The following DOP1A variants were observed in gnomAD, a reference collection of about 807,000 sequenced individuals.
The protein encoded by DOP1A is DOP1 leucine zipper like protein A, also known as protein DOP1A.
Under a neutral mutation model 267.6 loss-of-function variants are expected in DOP1A, and 90 were observed. The ratio of observed to expected loss-of-function variants is 0.34; its 90% CI spans 0.28 to 0.40. The LOEUF (loss-of-function observed/expected upper bound fraction) is 0.40. Ranked by LOEUF, DOP1A falls within the 10% of genes least tolerant of loss-of-function variation. The pLI is 1.00. For synonymous variants in DOP1A, 932 were observed against 999.1 expected, an observed-to-expected ratio of 0.93 and a Z score of 1.27; for missense variants, 2,437 against 2,900.4, an observed-to-expected ratio of 0.84 and a Z score of 3.67.
chr6:83,152,173 A>G, intron 29 of DOP1A, 115 bp from the exon 30 acceptor site: 1 of 754,646 alleles, frequency 1.3e-6, no homozygotes, highest in Non-Finnish European at 2.0e-6. Flanking sequence ...AAAAATATAT[A>G]TATACATATA....
At chr6:83,152,180 T>A in intron 29 of DOP1A, 108 bp from the exon 30 acceptor site, 2 of 748,344 alleles carry the variant, frequency 2.7e-6, no homozygotes. Flanking sequence ...TATATATACA[T>A]ATACATATAT....
chr6:83,157,158 GA>G (rs1314104603), intron 34 of DOP1A, 23 bp from the exon 35 acceptor site: 4 of 1,603,658 alleles, frequency 2.5e-6, no homozygotes, highest in Admixed American at 1.8e-5. Flanking sequence ...TTTAGTTATT[GA>G]AAATGCTCTG....
intron 4 of DOP1A, among the ~76,000 whole-genome samples, chr6:83,106,607 C>G (rs1773647862): frequency 6.6e-6 from 1 of 151,982 alleles, no homozygotes; most frequent in South Asian, 2.1e-4. Flanking sequence ...GTCAGGAGTT[C>G]AAGACCAGAC....
chr6:83,145,030 G>C (rs558838587), intron 24 of DOP1A, among the ~76,000 whole-genome samples: 1 of 143,682 alleles, frequency 7.0e-6, no homozygotes, highest in South Asian at 2.2e-4. Context: ...TTAAACCTAT[G>C]AGGTTGAGGC....
At chr6:83,077,678 A>C (rs1767337897) in intron 1 of DOP1A, among the ~76,000 whole-genome samples, 1 of 152,206 alleles carries the variant, frequency 6.6e-6, no homozygotes, top group Admixed American at 6.5e-5. Flanking sequence ...CTTGTCTCAA[A>C]AAAATAAAAA....
chr6:83,146,631 G>A (rs1780692175), intron 25 of DOP1A, among the ~76,000 whole-genome samples: 2 of 152,160 alleles, frequency 1.3e-5, no homozygotes, highest in African/African-American at 4.8e-5. Context: ...TTTTTGGACA[G>A]GAAACCTTCA....
Position 83,083,420 on chromosome 6 carries a change from TAAAA to T in DOP1A, c.-146-13298_-146-13295del, listed in dbSNP as rs560759261. Among the ~76,000 whole-genome samples, 58 of 139,460 alleles carry T rather than the reference TAAAA, an allele frequency of 4.2e-4. No individual in the cohort carries two copies. The East Asian group carries it at 0.011, about 26-fold the overall frequency. The allele number at this position is 139,460 out of a possible 152,430, so 91.5% of individuals were successfully genotyped here. On this transcript the variant is annotated intron_variant, in intron 1 of 38. Transcript: ENST00000349129. ...TGCAGGAGAATTAAGACTTGTGGTT[TAAAA>T]AAAAAAAAAAAAGTTCAGAAAGATA...
intron 19 of DOP1A, 27 bp downstream of exon 19, chr6:83,134,314 C>T (rs2128251393): frequency 1.3e-6 from 2 of 1,584,536 alleles, no homozygotes; most frequent in South Asian, 1.1e-5. Context: ...ATTAAGATTT[C>T]ACAGTCATAT....
intron 1 of DOP1A, among the ~76,000 whole-genome samples, chr6:83,087,726 C>G (rs780387944): frequency 6.6e-6 from 1 of 152,152 alleles, no homozygotes; most frequent in Non-Finnish European, 1.5e-5. Flanking sequence ...TTAAAATACA[C>G]GAAGCACTTG....
chr6:83,169,693 T>C (rs1048264721), downstream of DOP1A: 5 of 460,844 alleles, frequency 1.1e-5, no homozygotes, highest in African/African-American at 7.9e-5. Context: ...GACTCTGAGA[T>C]GGCTTAAGCT....
intron 6 of DOP1A, among the ~76,000 whole-genome samples, chr6:83,110,956 C>T (rs956469395): frequency 1.1e-4 from 16 of 152,256 alleles, no homozygotes; most frequent in Admixed American, 5.9e-4. Flanking sequence ...ACCACTATTG[C>T]AATCAAGACA....
At chr6:83,110,016 A>G (rs1345235294) in intron 5 of DOP1A, 109 bp from the exon 6 acceptor site, 3 of 1,153,556 alleles carry the variant, frequency 2.6e-6, no homozygotes, top group Non-Finnish European at 2.4e-6. Context: ...AGGGTGGAAC[A>G]TATGACTGTA....
intron 18 of DOP1A, 37 bp downstream of exon 18, chr6:83,132,365 C>A: frequency 7.1e-7 from 1 of 1,405,390 alleles, no homozygotes; most frequent in Non-Finnish European, 9.7e-7. Flanking sequence ...GCCCCCTCCG[C>A]CACACACACA....
intron 21 of DOP1A, 137 bp downstream of exon 21, chr6:83,139,299 C>CA (rs1228655551): frequency 1.3e-5 from 8 of 614,272 alleles, no homozygotes; most frequent in African/African-American, 9.2e-5. Flanking sequence ...TTACTTTCCA[C>CA]AAAAAAGAAA....
In DOP1A at chr6:83,137,976, AAAT is replaced by A; in HGVS notation, c.3935_3937del (p.Lys1312_Ser1313delinsThr). ...CAGAAAAAAGGATGATGACAAGAAA[AAAT>A]CTTCAAATGAAAAACTCAAACAAAC... On this transcript the variant is annotated inframe_deletion, in exon 21 of 39. Transcript: ENST00000349129. 6.2e-7 allele frequency: 1 copy of A among 1,605,706 alleles called. No individual in the cohort carries two copies. Among genetic ancestry groups the A allele is most frequent in the Non-Finnish European group, 8.5e-7 (1 of 1,177,570 alleles).
rs1783356725 is a variant in DOP1A, at chr6:83,158,416, A to G, written c.6742-151A>G. 13 of 660,458 alleles carry G rather than the reference A, an allele frequency of 2.0e-5. No homozygotes were observed. In the South Asian group the frequency reaches 2.5e-4, roughly 12 times the overall value. 40.9% of individuals were successfully genotyped at this position (660,458 alleles called of 1,614,324 possible). A position where few individuals can be genotyped will look rare whatever the true frequency, so the allele number is the denominator to read the frequency against. ...CAAGGCTCTGTGTGGCTAAATTTGCAGTTTTACCTTCAGAAACTAAGTATA... is the reference window on the plus strand; with the variant it reads ...CAAGGCTCTGTGTGGCTAAATTTGCGGTTTTACCTTCAGAAACTAAGTATA... On this transcript the variant is annotated intron_variant, in intron 35 of 38. Coordinates refer to ENST00000349129, the MANE Select transcript of DOP1A (RefSeq NM_015018.4).
In DOP1A at chr6:83,145,506, C is replaced by T. The variant is rs368328146; in HGVS notation, c.5542-18C>T. The T allele has an allele frequency of 1.3e-6, 2 of 1,564,976 alleles. No homozygotes were observed. Among genetic ancestry groups the T allele is most frequent in the South Asian group, 2.3e-5 (2 of 85,660 alleles). Reference sequence around the variant, plus strand: ...ACTTATATACATACATACATACATACAATGATTTATTACCTAGGTCATTCC... The same window carrying T: ...ACTTATATACATACATACATACATATAATGATTTATTACCTAGGTCATTCC... On this transcript the variant is annotated intron_variant, in intron 24 of 38. Coordinates refer to ENST00000349129, the MANE Select transcript of DOP1A (RefSeq NM_015018.4).
chr6:83,142,843 G>A (rs1019793961), intron 24 of DOP1A, among the ~76,000 whole-genome samples: 31 of 151,972 alleles, frequency 2.0e-4, no homozygotes, highest in African/African-American at 7.0e-4. Flanking sequence ...TGCTTTCTGA[G>A]TTTCAAAGCT....
chr6:83,131,752 C>T (rs1487883103), intron 17 of DOP1A, among the ~76,000 whole-genome samples: 1 of 152,082 alleles, frequency 6.6e-6, no homozygotes, highest in Non-Finnish European at 1.5e-5. Context: ...TCTCGTGTCT[C>T]AGCCTCCCGA....
Sources: allele counts gnomAD v4.1 joint callset (sites outside exome capture counted in the v4.1 genomes callset), GRCh38; gene constraint gnomAD v4.1.1; transcripts MANE v1.5; gene names NCBI Gene and HGNC (gene_info 2026-07-23, HGNC 2026-07-21).